The following TLL2 variants were observed in gnomAD, a reference collection of about 807,000 sequenced individuals.
The protein encoded by TLL2 is tolloid like 2.
TLL2 carries 106 observed loss-of-function variants against 123.0 expected under a neutral mutation model. The ratio of observed to expected loss-of-function variants is 0.86; its 90% CI spans 0.74 to 1.01. TLL2 has a LOEUF of 1.01. Ranked by LOEUF, TLL2 falls within the 50% of genes least tolerant of loss-of-function variation. The pLI, the probability that TLL2 is intolerant of heterozygous loss-of-function variation, is 0.00. For synonymous variants in TLL2, 494 were observed against 516.8 expected (o/e 0.96, Z 0.60); for missense variants, 1,332 against 1,336.7 (o/e 1.00, Z 0.06).
chr10:96,409,413 G>A (rs1387896378), intron 9 of TLL2, among the ~76,000 whole-genome samples: 1 of 152,180 alleles, frequency 6.6e-6, no homozygotes, highest in African/African-American at 2.4e-5. Context: ...TAGGGAACAG[G>A]GTTTCTCTAA....
At chr10:96,481,408 G>T (rs904455665) in intron 1 of TLL2, among the ~76,000 whole-genome samples, 1 of 152,154 alleles carries the variant, frequency 6.6e-6, no homozygotes, top group Non-Finnish European at 1.5e-5. Flanking sequence ...GGGATTACAG[G>T]TGTGATGTTG....
intron 1 of TLL2, among the ~76,000 whole-genome samples, chr10:96,483,370 G>T (rs11188785): frequency 6.6e-6 from 1 of 152,144 alleles, no homozygotes; most frequent in Admixed American, 6.5e-5. Context: ...ATGAAGGAAC[G>T]TTCCCCATCC....
intron 16 of TLL2, among the ~76,000 whole-genome samples, chr10:96,380,550 G>C (rs934691453): frequency 2.6e-5 from 4 of 151,678 alleles, no homozygotes; most frequent in Non-Finnish European, 5.9e-5. Context: ...ATAATTAGCC[G>C]GGCGTGGTGG....
chr10:96,476,234 A>ATTTTTTTTTTTT (rs1232966569), intron 2 of TLL2, among the ~76,000 whole-genome samples: 4 of 21,528 alleles, frequency 1.9e-4, no homozygotes, highest in African/African-American at 7.1e-4. Flanking sequence ...ATATATATAT[A>ATTTTTTTTTTTT]TATATATTTT....
At chr10:96,402,555 A>C (rs1846406443) in intron 10 of TLL2, among the ~76,000 whole-genome samples, 1 of 152,156 alleles carries the variant, frequency 6.6e-6, no homozygotes, top group African/African-American at 2.4e-5. Context: ...GCTGCTAGAG[A>C]GCGCCATGCC....
chr10:96,383,125 T>A (rs1846200844), intron 16 of TLL2, among the ~76,000 whole-genome samples: 1 of 151,980 alleles, frequency 6.6e-6, no homozygotes. Flanking sequence ...GCAGAGGGAA[T>A]GTGGCTGGCA....
chr10:96,441,458 G>A (rs1157115573), intron 3 of TLL2, among the ~76,000 whole-genome samples: 1 of 152,222 alleles, frequency 6.6e-6, no homozygotes, highest in South Asian at 2.1e-4. Flanking sequence ...CTCTGAGACT[G>A]AGAATCAATT....
chr10:96,512,888 G>T (rs888459514), intron 1 of TLL2, among the ~76,000 whole-genome samples: 4 of 152,220 alleles, frequency 2.6e-5, no homozygotes, highest in Non-Finnish European at 2.9e-5. Flanking sequence ...CTTCCTGGAG[G>T]GATTAGAGCA....
chr10:96,467,624 T>C (rs994140553), intron 2 of TLL2, among the ~76,000 whole-genome samples: 1 of 152,232 alleles, frequency 6.6e-6, no homozygotes, highest in East Asian at 1.9e-4. Context: ...GACACTATAC[T>C]GCGAAAATGT....
At chr10:96,409,136 C>A (rs1314419119) in intron 9 of TLL2, among the ~76,000 whole-genome samples, 1 of 152,222 alleles carries the variant, frequency 6.6e-6, no homozygotes, top group African/African-American at 2.4e-5. Flanking sequence ...TTCCATCACA[C>A]CCCACTGCCA....
Position 96,384,766 on chromosome 10 carries a change from AC to A in TLL2, c.2014del (p.Val672SerfsTer7). ...FEVFELEGND[V>X]CKYDFVEVRS... is the part of the protein sequence containing the mutation. ...CACCTCTACAAAGTCGTACTTACAG[AC>A]CTGCAAGGGAGCATGATGGGGAGCT... On this transcript the variant is annotated frameshift_variant and splice_region_variant, in exon 16 of 21. Transcript: ENST00000357947. LOFTEE classifies it high-confidence loss of function. 1 of 1,581,190 alleles carries A rather than the reference AC, an allele frequency of 6.3e-7. No homozygotes were observed. Among genetic ancestry groups the A allele is most frequent in the Non-Finnish European group, 8.6e-7 (1 of 1,157,358 alleles).
chr10:96,426,576 T>C (rs1200867481), intron 5 of TLL2, among the ~76,000 whole-genome samples: 1 of 152,170 alleles, frequency 6.6e-6, no homozygotes, highest in Non-Finnish European at 1.5e-5. Context: ...CGTTCTTCAA[T>C]TTCATTCAAA....
At chr10:96,401,756 C>T (rs1355291883) in intron 10 of TLL2, among the ~76,000 whole-genome samples, 1 of 152,182 alleles carries the variant, frequency 6.6e-6, no homozygotes, top group Non-Finnish European at 1.5e-5. Context: ...CAGGAACGTG[C>T]CTTGGCCCTC....
intron 3 of TLL2, among the ~76,000 whole-genome samples, chr10:96,437,614 C>T (rs1366488708): frequency 6.6e-6 from 1 of 152,104 alleles, no homozygotes; most frequent in Non-Finnish European, 1.5e-5. Context: ...TTCTAAAATT[C>T]TGTCATTTGA....
intron 16 of TLL2, among the ~76,000 whole-genome samples, chr10:96,379,861 G>A (rs969495187): frequency 5.9e-5 from 9 of 152,176 alleles, no homozygotes; most frequent in Non-Finnish European, 7.3e-5. Context: ...GGAAACTGAC[G>A]CTGAGAATGG....
At chr10:96,372,411 A>G (rs1384286657) in intron 19 of TLL2, among the ~76,000 whole-genome samples, 1 of 152,220 alleles carries the variant, frequency 6.6e-6, no homozygotes, top group Non-Finnish European at 1.5e-5. Flanking sequence ...GCTCTGACAA[A>G]GGACACAATT....
At chr10:96,447,039 T>C (rs561442670) in intron 2 of TLL2, among the ~76,000 whole-genome samples, 3 of 152,296 alleles carry the variant, frequency 2.0e-5, no homozygotes, top group African/African-American at 4.8e-5. Flanking sequence ...TAGAACGTGA[T>C]GGGAGGAGCT....
intron 2 of TLL2, among the ~76,000 whole-genome samples, chr10:96,463,496 T>C (rs528022649): frequency 6.6e-6 from 1 of 152,294 alleles, no homozygotes; most frequent in East Asian, 1.9e-4. Flanking sequence ...CTCCTCTGGG[T>C]CTCCATGTCC....
chr10:96,387,999 A>G lies in TLL2; in HGVS notation c.1727-921T>C, dbSNP rs866197976. On this transcript the variant is annotated intron_variant, in intron 13 of 20. Transcript: ENST00000357947. ...GAGTCTAGTGAAGGGACAACTGAACACTGAGACATCTTTTTCAAAAAAGTT... is the reference window on the plus strand; with the variant it reads ...GAGTCTAGTGAAGGGACAACTGAACGCTGAGACATCTTTTTCAAAAAAGTT... 2.6e-5 allele frequency among the ~76,000 whole-genome samples: 4 copies of G among 152,234 alleles called. No homozygotes were observed. In the South Asian group the frequency reaches 6.2e-4, roughly 24 times the overall value.
Sources: allele counts gnomAD v4.1 joint callset (sites outside exome capture counted in the v4.1 genomes callset), GRCh38; gene constraint gnomAD v4.1.1; transcripts MANE v1.5; gene names NCBI Gene and HGNC (gene_info 2026-07-23, HGNC 2026-07-21).